MPP7: variants seen among roughly 807,000 people sequenced by gnomAD.
The protein encoded by MPP7 is MAGUK p55 scaffold protein 7.
Under a neutral mutation model 76.5 loss-of-function variants are expected in MPP7, and 60 were observed. The ratio of observed to expected loss-of-function variants is 0.78; its 90% confidence interval spans 0.64 to 0.97. The LOEUF (loss-of-function observed/expected upper bound fraction) is 0.97. Ranked by LOEUF, MPP7 falls within the 50% of genes least tolerant of loss-of-function variation. MPP7 has a pLI of 0.00. For missense variants in MPP7, 641 were observed against 694.0 expected (o/e 0.92, Z 0.86); for synonymous variants, 237 against 244.5 (o/e 0.97, Z 0.29).
At chr10:28,153,425 C>T (rs1191395631) in intron 3 of MPP7, among the ~76,000 whole-genome samples, 1 of 151,982 alleles carries the variant, frequency 6.6e-6, no homozygotes, top group Non-Finnish European at 1.5e-5. Flanking sequence ...AAACAAGATC[C>T]TAAAAGTCAG....
At chr10:28,069,694 A>G in intron 13 of MPP7, 78 bp downstream of exon 13, 1 of 1,225,924 alleles carries the variant, frequency 8.2e-7, no homozygotes, top group Admixed American at 2.6e-5. Context: ...CAAGTTAAAA[A>G]TTTTTTAAAA....
intron 1 of MPP7, among the ~76,000 whole-genome samples, chr10:28,277,170 C>T (rs1840527361): frequency 6.6e-6 from 1 of 151,904 alleles, no homozygotes; most frequent in Non-Finnish European, 1.5e-5. Flanking sequence ...CTGGGAGACA[C>T]AGCAAGATCC....
At position 28,119,699 on chromosome 10, in the gene MPP7, G is replaced by A. The variant is rs760796518; in HGVS notation, c.904C>T (p.Arg302Ter). The A allele has an allele frequency of 1.2e-5, 20 of 1,613,422 alleles. No homozygotes were observed. Among genetic ancestry groups the A allele is most frequent in the East Asian group, 4.5e-5 (2 of 44,830 alleles). ...HFQERRLALR[R>*]PEILVQPLKV... ...AGGGGCTGAACCAATATTTCTGGTC[G>A]TCTCAAAGCCAATCTCCTGGGAGAA... The change falls in exon 11 of 17, where the codon CGA becomes TGA. Residue 302 changes from arginine (R) to a stop codon, truncating the protein, a stop_gained. Transcript: ENST00000683449. LOFTEE classifies it high-confidence loss of function.
chr10:28,194,226 G>T (rs1452484296), intron 3 of MPP7, among the ~76,000 whole-genome samples: 4 of 152,086 alleles, frequency 2.6e-5, no homozygotes, highest in Non-Finnish European at 5.9e-5. Flanking sequence ...ATGTTGGCCA[G>T]AATGGTCTCG....
At chr10:28,171,673 A>C (rs769623264) in intron 3 of MPP7, among the ~76,000 whole-genome samples, 3 of 152,228 alleles carry the variant, frequency 2.0e-5, no homozygotes, top group Non-Finnish European at 4.4e-5. Context: ...GAAACTTGGC[A>C]GGCAGTTCTA....
At chr10:28,327,493 G>A (rs1291536003) in intron 2 of MPP7, among the ~76,000 whole-genome samples, 5 of 151,902 alleles carry the variant, frequency 3.3e-5, no homozygotes, top group African/African-American at 9.7e-5. Flanking sequence ...AGGAAGAGCT[G>A]GATAAAGACA....
At chr10:28,139,445 G>A (rs888235816) in intron 5 of MPP7, among the ~76,000 whole-genome samples, 8 of 152,086 alleles carry the variant, frequency 5.3e-5, no homozygotes, top group Admixed American at 2.0e-4. Flanking sequence ...TCACACTTTC[G>A]GCCTCCAACA....
chr10:28,286,226 G>C (rs1320376520), intron 1 of MPP7, among the ~76,000 whole-genome samples: 2 of 151,634 alleles, frequency 1.3e-5, no homozygotes, highest in Non-Finnish European at 2.9e-5. Flanking sequence ...GTCGCCTGTG[G>C]TCCCAGCTAC....
At position 28,059,852 on chromosome 10, in the gene MPP7, A is replaced by C. The variant is rs1418066559; in HGVS notation, c.1205-109T>G. On this transcript the variant is annotated intron_variant, in intron 13 of 16. Transcript: ENST00000683449. ...ATTAGTTTTTTCAACAGGATTTAAA[A>C]ATGTATTTAAAAAGCAAATTAGCTA... 6 of 735,252 alleles carry C rather than the reference A, an allele frequency of 8.2e-6. No individual in the cohort carries two copies. In the East Asian group the frequency reaches 1.6e-4, roughly 20 times the overall value. 45.5% of individuals were successfully genotyped at this position (735,252 alleles called of 1,614,324 possible).
chr10:28,234,130 G>A (rs1838989297), intron 2 of MPP7, among the ~76,000 whole-genome samples: 1 of 152,130 alleles, frequency 6.6e-6, no homozygotes, highest in Non-Finnish European at 1.5e-5. Flanking sequence ...TCTAGGACTG[G>A]GGCAGGAAAT....
chr10:28,331,135 C>T (rs1320188050), intron 1 of MPP7, among the ~76,000 whole-genome samples: 1 of 152,170 alleles, frequency 6.6e-6, no homozygotes, highest in Non-Finnish European at 1.5e-5. Context: ...TGGGATCTAG[C>T]ATCTAGCAGG....
At chr10:28,241,774 C>T (rs1385426572) in intron 1 of MPP7, among the ~76,000 whole-genome samples, 1 of 152,148 alleles carries the variant, frequency 6.6e-6, no homozygotes, top group Non-Finnish European at 1.5e-5. Flanking sequence ...TTTACAATAC[C>T]CAATAGAACG....
intron 5 of MPP7, among the ~76,000 whole-genome samples, chr10:28,136,861 G>A (rs1331102656): frequency 1.3e-5 from 2 of 152,074 alleles, no homozygotes; most frequent in African/African-American, 4.8e-5. Context: ...AGTGATCTGG[G>A]CAACTACTTT....
At chr10:28,209,375 G>A (rs935059376) in intron 2 of MPP7, among the ~76,000 whole-genome samples, 1 of 151,776 alleles carries the variant, frequency 6.6e-6, no homozygotes, top group Non-Finnish European at 1.5e-5. Flanking sequence ...AGGCTGAGGA[G>A]GGAGGATCCT....
At chr10:28,177,058 CAAG>C (rs1361583262) in intron 3 of MPP7, among the ~76,000 whole-genome samples, 3 of 149,406 alleles carry the variant, frequency 2.0e-5, no homozygotes, top group Admixed American at 6.6e-5. Flanking sequence ...AAGAAAAAAA[CAAG>C]AATAATTGCA....
At chr10:28,229,073 T>C (rs766541271) in intron 2 of MPP7, among the ~76,000 whole-genome samples, 6 of 152,164 alleles carry the variant, frequency 3.9e-5, no homozygotes, top group Non-Finnish European at 8.8e-5. Context: ...TCTTAAAAGA[T>C]TAACAGCTGA....
intron 2 of MPP7, among the ~76,000 whole-genome samples, chr10:28,309,561 C>T (rs1841277526): frequency 6.6e-6 from 1 of 152,190 alleles, no homozygotes; most frequent in Admixed American, 6.5e-5. Flanking sequence ...AGCACTCCCC[C>T]TTGTTACAAG....
chr10:28,225,894 C>T (rs1339454120), intron 2 of MPP7, among the ~76,000 whole-genome samples: 2 of 152,152 alleles, frequency 1.3e-5, no homozygotes, highest in Admixed American at 6.5e-5. Flanking sequence ...TTATATTACA[C>T]ATAAGCATCT....
chr10:28,181,549 GC>G (rs549852414), intron 3 of MPP7, among the ~76,000 whole-genome samples: 55 of 152,272 alleles, frequency 3.6e-4, no homozygotes, highest in Admixed American at 5.9e-4. Flanking sequence ...CTATTATCGT[GC>G]CCCACGATGG....
Sources: allele counts gnomAD v4.1 joint callset (sites outside exome capture counted in the v4.1 genomes callset), GRCh38; gene constraint gnomAD v4.1.1; transcripts MANE v1.5; gene names NCBI Gene and HGNC (gene_info 2026-07-23, HGNC 2026-07-21).